ZNF143: variants seen among roughly 807,000 people sequenced by gnomAD.
ZNF143 encodes zinc finger protein 143.
Under a neutral mutation model 74.1 loss-of-function variants are expected in ZNF143, and 49 were observed. The observed-to-expected ratio is 0.66, with a 90% CI of 0.53 to 0.84. The LOEUF is 0.84. ZNF143 is among the 40% of genes least tolerant of loss of function. ZNF143 has a pLI of 0.00. For missense variants in ZNF143, 637 were observed against 793.4 expected (o/e 0.80, Z 2.37); for synonymous variants, 304 against 282.8 (o/e 1.07, Z -0.75).
intron 7 of ZNF143, among the ~76,000 whole-genome samples, chr11:9,483,615 A>T (rs1344640320): frequency 1.7e-4 from 25 of 149,908 alleles, no homozygotes; most frequent in Admixed American, 1.6e-3. Context: ...TTATTTATTT[A>T]TTTTTTGAGA....
intron 7 of ZNF143, among the ~76,000 whole-genome samples, chr11:9,486,420 T>TATTATATATATAATATATTA (rs368754514): frequency 6.4e-5 from 2 of 31,036 alleles, no homozygotes; most frequent in African/African-American, 2.2e-4. Context: ...ATAATATATA[T>TATTATATATATAATATATTA]TATATATATT....
chr11:9,519,517 A>G (rs1242731968), intron 14 of ZNF143, among the ~76,000 whole-genome samples: 3 of 152,122 alleles, frequency 2.0e-5, no homozygotes, highest in African/African-American at 7.2e-5. Flanking sequence ...GGGTTTTTCT[A>G]CTTAACGTTT....
At chr11:9,498,704 T>G (rs1371951848) in intron 10 of ZNF143, among the ~76,000 whole-genome samples, 2 of 152,222 alleles carry the variant, frequency 1.3e-5, no homozygotes, top group African/African-American at 4.8e-5. Flanking sequence ...TGATAAGAGA[T>G]GCTATTATAA....
At chr11:9,486,396 A>ATT (rs1245802133) in intron 7 of ZNF143, among the ~76,000 whole-genome samples, 5 of 11,922 alleles carry the variant, frequency 4.2e-4, no homozygotes, top group Non-Finnish European at 9.1e-4. Flanking sequence ...TAATATATAT[A>ATT]ATATATTATA....
intron 7 of ZNF143, among the ~76,000 whole-genome samples, chr11:9,489,113 A>G (rs1170899748): frequency 6.6e-6 from 1 of 152,158 alleles, no homozygotes; most frequent in African/African-American, 2.4e-5. Flanking sequence ...CTATTTTTGT[A>G]GTTTTCTTTC....
intron 5 of ZNF143, among the ~76,000 whole-genome samples, chr11:9,476,266 A>T (rs1856884038): frequency 6.6e-6 from 1 of 152,124 alleles, no homozygotes; most frequent in Non-Finnish European, 1.5e-5. Flanking sequence ...TGTTGTGAGG[A>T]CAGAATGCAC....
At chr11:9,515,910 A>T (rs1424281806) in intron 13 of ZNF143, among the ~76,000 whole-genome samples, 1 of 151,058 alleles carries the variant, frequency 6.6e-6, no homozygotes, top group Non-Finnish European at 1.5e-5. Flanking sequence ...ACTTGAACCC[A>T]GGAGTTTTAG....
At position 9,509,851 on chromosome 11, in the gene ZNF143, C is replaced by T. The variant is rs550950722; in HGVS notation, c.1375+1005C>T. ...AAATATTACATCAATTGGGGAGATA[C>T]TGGTCAAAGAGTACAGTTTCAGTTA... On this transcript the variant is annotated intron_variant, in intron 12 of 15. Transcript: ENST00000396602. Among the ~76,000 whole-genome samples the T allele has an allele frequency of 2.6e-5, 4 of 152,290 alleles. No individual in the cohort carries two copies. In the South Asian group the frequency reaches 8.3e-4, roughly 32 times the overall value.
intron 7 of ZNF143, among the ~76,000 whole-genome samples, chr11:9,484,163 A>G (rs2133956934): frequency 6.6e-6 from 1 of 151,444 alleles, no homozygotes; most frequent in South Asian, 2.1e-4. Flanking sequence ...TAATTACCGT[A>G]TTTAAGGTTG....
intron 1 of ZNF143, among the ~76,000 whole-genome samples, chr11:9,466,679 C>T (rs561218964): frequency 7.2e-5 from 11 of 152,062 alleles, no homozygotes; most frequent in African/African-American, 1.9e-4. Flanking sequence ...GGCCTCAAGC[C>T]GTCTTCCCTC....
rs1315226304 is a variant in ZNF143 at position 9,478,577 on chromosome 11, T to C, written c.561T>C (p.Tyr187=). The change falls in exon 6 of 16, where the codon TAT becomes TAC. Residue 187 remains tyrosine (Y), a synonymous_variant. Transcript: ENST00000396602. Reference sequence around the variant, plus strand: ...ACACCATCAGTGCTTTGGAACAGTATGCAGCAAAGGTATAGCATTTCACAA... The same window carrying C: ...ACACCATCAGTGCTTTGGAACAGTACGCAGCAAAGGTATAGCATTTCACAA... The part of the protein sequence containing the change: ...DPDTISALEQ[Y]AAKVSIDGSE... The C allele has an allele frequency of 3.1e-6, 5 of 1,613,698 alleles. No homozygotes were observed. The highest frequency in any genetic ancestry group is 1.1e-5 in the South Asian group (1 of 91,078).
At chr11:9,513,805 G>T (rs912055719) in intron 13 of ZNF143, among the ~76,000 whole-genome samples, 1 of 152,218 alleles carries the variant, frequency 6.6e-6, no homozygotes. Context: ...TGAGGCGGGA[G>T]GATCACTTGC....
chr11:9,508,558 G>A (rs947220999), intron 11 of ZNF143, 61 bp from the exon 12 acceptor site: 34 of 1,506,136 alleles, frequency 2.3e-5, no homozygotes, highest in Non-Finnish European at 3.0e-5. Flanking sequence ...TGGGGGGGAA[G>A]TATGGAATGA....
Position 9,485,481 on chromosome 11 carries a change from G to A in ZNF143, c.645+5935G>A, listed in dbSNP as rs777574321. 1.7e-4 allele frequency among the ~76,000 whole-genome samples: 26 copies of A among 150,520 alleles called. 2 individuals carry two copies. Among genetic ancestry groups the A allele is most frequent in the East Asian group, 1.2e-3 (6 of 5,132 alleles). On this transcript the variant is annotated intron_variant, in intron 7 of 15. Transcript: ENST00000396602. ...TCATGCCTCAGCCTCCCAAGTAGCT[G>A]GAATTACAGGCTTATACCACCATGC...
chr11:9,518,639 C>G (rs1438175013), intron 14 of ZNF143, among the ~76,000 whole-genome samples: 7 of 151,932 alleles, frequency 4.6e-5, no homozygotes, highest in Admixed American at 2.6e-4. Flanking sequence ...ATCGCTTGAA[C>G]CCAGGAGGCA....
chr11:9,474,925 G>GT (rs1158646371), intron 5 of ZNF143, among the ~76,000 whole-genome samples: 1 of 152,182 alleles, frequency 6.6e-6, no homozygotes, highest in African/African-American at 2.4e-5. Flanking sequence ...GTCTCACTCT[G>GT]TTGCCAGGCT....
At chr11:9,506,815 T>C (rs1476539711) in intron 11 of ZNF143, among the ~76,000 whole-genome samples, 2 of 152,140 alleles carry the variant, frequency 1.3e-5, no homozygotes, top group Admixed American at 1.3e-4. Flanking sequence ...CTTTTCTTTT[T>C]CTTTTTTTTT....
intron 11 of ZNF143, 132 bp downstream of exon 11, chr11:9,501,402 C>T: frequency 9.2e-7 from 1 of 1,081,838 alleles, no homozygotes; most frequent in Non-Finnish European, 1.3e-6. Context: ...GATTAAGCAA[C>T]TTGAAAAAGT....
Position 9,528,057 on chromosome 11 carries a change from A to G in ZNF143, c.*444A>G, listed in dbSNP as rs971971134. On this transcript the variant is annotated 3_prime_UTR_variant, in exon 16 of 16. Coordinates refer to ENST00000396602, the MANE Select transcript of ZNF143 (RefSeq NM_003442.6). Reference sequence around the variant, plus strand: ...AATAAAGGGTGTAAAGCCTTCAGATATTTCCCCAGTTAGTAGAGTGTCTGC... The same window carrying G: ...AATAAAGGGTGTAAAGCCTTCAGATGTTTCCCCAGTTAGTAGAGTGTCTGC... The G allele has an allele frequency of 6.5e-6, 1 of 153,424 alleles. No individual in the cohort carries two copies. Among genetic ancestry groups the G allele is most frequent in the Non-Finnish European group, 1.5e-5 (1 of 68,632 alleles). 9.5% of individuals were successfully genotyped at this position (153,424 alleles called of 1,614,324 possible).
Sources: allele counts gnomAD v4.1 joint callset (sites outside exome capture counted in the v4.1 genomes callset), GRCh38; gene constraint gnomAD v4.1.1; transcripts MANE v1.5; gene names NCBI Gene and HGNC (gene_info 2026-07-23, HGNC 2026-07-21).